KAZN: variants seen among roughly 807,000 people sequenced by gnomAD.
KAZN encodes the protein kazrin.
KAZN carries 40 observed loss-of-function variants against 87.4 expected under a neutral mutation model. The observed-to-expected ratio is 0.46, with a 90% CI of 0.36 to 0.60. The LOEUF is 0.60. Ranked by LOEUF, KAZN falls within the 20% of genes least tolerant of loss-of-function variation. The probability of loss-of-function intolerance (pLI) is 0.00; values close to 1 mark genes in which losing one functional copy is unlikely to be tolerated. For synonymous variants in KAZN, 466 were observed against 458.3 expected (o/e 1.02, Z -0.22); for missense variants, 898 against 1,073.9 (o/e 0.84, Z 2.29).
At chr1:13,952,354 TAA>T (rs768956781) in intron 1 of KAZN, among the ~76,000 whole-genome samples, 1 of 147,262 alleles carries the variant, frequency 6.8e-6, no homozygotes, top group Admixed American at 6.8e-5. Context: ...ATAATAATAA[TAA>T]TAATAATAAT....
At chr1:14,897,513 T>G (rs762391962) in intron 1 of KAZN, among the ~76,000 whole-genome samples, 3 of 152,108 alleles carry the variant, frequency 2.0e-5, no homozygotes, top group Non-Finnish European at 4.4e-5. Flanking sequence ...TTTTAGAAAT[T>G]AAAATGTAAA....
chr1:14,902,520 G>A (rs543671385), intron 1 of KAZN, among the ~76,000 whole-genome samples: 16 of 152,218 alleles, frequency 1.1e-4, no homozygotes, highest in African/African-American at 3.4e-4. Context: ...GAGCCACCGC[G>A]CCCAGCCAGA....
intron 1 of KAZN, among the ~76,000 whole-genome samples, chr1:14,879,096 C>T (rs1401370127): frequency 2.0e-5 from 3 of 152,162 alleles, no homozygotes; most frequent in Admixed American, 2.0e-4. Flanking sequence ...CTGCCAGAGC[C>T]TTGGGATTGC....
intron 2 of KAZN, among the ~76,000 whole-genome samples, chr1:14,288,411 G>C (rs562500654): frequency 6.6e-6 from 1 of 152,164 alleles, no homozygotes; most frequent in African/African-American, 2.4e-5. Flanking sequence ...TCTTGGGAGG[G>C]TGTATGTGTC....
rs1278100557 is a variant in KAZN, at chr1:14,856,059, A to G, written c.227-104625A>G. On this transcript the variant is annotated intron_variant, in intron 1 of 14. Coordinates refer to ENST00000376030, the MANE Select transcript of KAZN (RefSeq NM_201628.3). This position sits in a 1 kb window ranked among gnomAD's most constrained non-coding sequence, Gnocchi z 5.2. ...TTGGAATGTGACATTGGGATATGGC[A>G]GGTGAGTAATAACGTGATTTACATC... Among the ~76,000 whole-genome samples the G allele has an allele frequency of 6.6e-6, 1 of 152,232 alleles. No homozygotes were observed. The highest frequency in any genetic ancestry group is 6.5e-5 in the Admixed American group (1 of 15,276).
At chr1:14,015,459 C>CTTTTTTTTTTTTTT (rs70987713) in intron 1 of KAZN, among the ~76,000 whole-genome samples, 1 of 25,066 alleles carries the variant, frequency 4.0e-5, no homozygotes, top group African/African-American at 1.1e-4. Flanking sequence ...GTTACATCTA[C>CTTTTTTTTTTTTTT]TTTTTTTTTT....
intron 1 of KAZN, among the ~76,000 whole-genome samples, chr1:14,823,684 G>A (rs545320630): frequency 9.2e-5 from 14 of 152,248 alleles, no homozygotes; most frequent in Admixed American, 8.5e-4. Flanking sequence ...GCTTGGGAGT[G>A]GGAGGGACAG....
chr1:14,518,440 G>C (rs12408554), intron 2 of KAZN, among the ~76,000 whole-genome samples: 1 of 151,852 alleles, frequency 6.6e-6, no homozygotes, highest in Non-Finnish European at 1.5e-5. Flanking sequence ...GCCTCCCAAA[G>C]TGTTGGGATT....
chr1:14,597,085 C>G (rs1329609594), upstream of KAZN, among the ~76,000 whole-genome samples: 5 of 152,206 alleles, frequency 3.3e-5, no homozygotes, highest in African/African-American at 1.2e-4. Context: ...ATGCTCTCCC[C>G]ATAACGTAAC....
intron 1 of KAZN, among the ~76,000 whole-genome samples, chr1:14,848,964 G>A (rs1047195659): frequency 2.6e-5 from 4 of 152,156 alleles, no homozygotes; most frequent in African/African-American, 4.8e-5. Flanking sequence ...CGGATGCTGC[G>A]GCTCCAGGAA....
At chr1:14,467,872 C>G (rs1048190696) in intron 2 of KAZN, among the ~76,000 whole-genome samples, 5 of 152,102 alleles carry the variant, frequency 3.3e-5, no homozygotes, top group Admixed American at 2.0e-4. Context: ...GCTTCTTTTT[C>G]TCTACTGTAC....
intron 1 of KAZN, among the ~76,000 whole-genome samples, chr1:13,916,315 C>T (rs1183693105): frequency 1.3e-5 from 2 of 152,128 alleles, no homozygotes; most frequent in African/African-American, 2.4e-5. Context: ...GCAGGAGTCA[C>T]CTCTGATTAT....
chr1:15,019,106 C>A (rs1159511948), intron 2 of KAZN, among the ~76,000 whole-genome samples: 2 of 152,134 alleles, frequency 1.3e-5, no homozygotes, highest in East Asian at 3.9e-4. Flanking sequence ...GTGAGAGGAC[C>A]TGGCATGTAC....
At chr1:14,642,458 A>G (rs1243614336) in intron 1 of KAZN, among the ~76,000 whole-genome samples, 4 of 152,180 alleles carry the variant, frequency 2.6e-5, no homozygotes, top group African/African-American at 9.6e-5. Context: ...TCAAGTTAAC[A>G]CGGCATGTGC....
chr1:14,513,526 T>C (rs750486553), intron 2 of KAZN, among the ~76,000 whole-genome samples: 60 of 152,248 alleles, frequency 3.9e-4, no homozygotes, highest in Non-Finnish European at 5.0e-4. Flanking sequence ...CTAGGTCTAG[T>C]TTTTTCCGTC....
chr1:14,208,508 C>T (rs917847951), intron 2 of KAZN, among the ~76,000 whole-genome samples: 26 of 152,162 alleles, frequency 1.7e-4, no homozygotes, highest in Middle Eastern at 3.4e-3. Context: ...GAAAAAAAGC[C>T]GGTAGTCTCT....
intron 1 of KAZN, among the ~76,000 whole-genome samples, chr1:14,158,655 C>T (rs1645646869): frequency 6.6e-6 from 1 of 151,996 alleles, no homozygotes; most frequent in Non-Finnish European, 1.5e-5. Context: ...GCTGTTGTTG[C>T]TTATAGATGC....
chr1:14,557,502 TAATA>T lies in KAZN; in HGVS notation c.250-41474_250-41471del, dbSNP rs568201583. ...TCCACATTAAATATAAATATATTTG[TAATA>T]AATAAACAAATAATCGATATTTATA... On this transcript the variant is annotated intron_variant, in intron 2 of 16. Coordinates refer to the KAZN transcript ENST00000636203. 4.1e-3 allele frequency among the ~76,000 whole-genome samples: 629 copies of T among 152,100 alleles called. 3 individuals are homozygous for T. The highest frequency in any genetic ancestry group is 6.6e-3 in the Non-Finnish European group (446 of 67,994).
At chr1:14,336,995 A>G (rs1657317434) in intron 2 of KAZN, among the ~76,000 whole-genome samples, 1 of 152,220 alleles carries the variant, frequency 6.6e-6, no homozygotes, top group Non-Finnish European at 1.5e-5. Flanking sequence ...ACAGACTACA[A>G]ATACTTATCC....
Sources: allele counts gnomAD v4.1 joint callset (sites outside exome capture counted in the v4.1 genomes callset), GRCh38; gene constraint gnomAD v4.1.1; non-coding constraint Gnocchi (gnomAD v3.1); transcripts MANE v1.5; gene names NCBI Gene and HGNC (gene_info 2026-07-23, HGNC 2026-07-21).